Variants in DLX3 observed in about 807,000 individuals in gnomAD.
DLX3 encodes the protein homeobox protein DLX-3.
In DLX3, 9 loss-of-function variants were observed where a neutral mutation model predicts 28.0. The observed-to-expected ratio is 0.32, with a 90% confidence interval of 0.19 to 0.56. DLX3 has a LOEUF of 0.56. Among genes scored for constraint, DLX3 ranks in the 20% least tolerant of loss-of-function variants. The pLI is 0.91. For synonymous variants in DLX3, 154 were observed against 167.9 expected (o/e 0.92, Z 0.64); for missense variants, 313 against 378.2 (o/e 0.83, Z 1.43).
intron 1 of DLX3, among the ~76,000 whole-genome samples, chr17:49,994,453 C>A (rs1004528303): frequency 2.0e-5 from 3 of 152,250 alleles, no homozygotes; most frequent in African/African-American, 7.2e-5. Flanking sequence ...CGATCCTCAT[C>A]CGGGACCGCG....
In DLX3 at chr17:49,991,273, G is replaced by A; in HGVS notation, c.*244C>T. Reference sequence around the variant, plus strand: ...TAGGGGAATGGCTGTCCCCACTGGGGTGGAATGTCCCCACATCTGGAGGGG... The same window carrying A: ...TAGGGGAATGGCTGTCCCCACTGGGATGGAATGTCCCCACATCTGGAGGGG... On this transcript the variant is annotated 3_prime_UTR_variant, in exon 3 of 3. Coordinates refer to ENST00000434704, the MANE Select transcript of DLX3 (RefSeq NM_005220.3). The A allele has an allele frequency of 3.9e-6, 2 of 516,290 alleles. No homozygotes were observed. The highest frequency in any genetic ancestry group is 3.1e-5 in the East Asian group (1 of 32,082). 32.0% of individuals were successfully genotyped at this position (516,290 alleles called of 1,614,324 possible).
Position 49,991,768 on chromosome 17 carries a change from T to C in DLX3, c.613A>G (p.Met205Val), listed in dbSNP as rs1265830146. 4 of 1,613,970 alleles carry C rather than the reference T, an allele frequency of 2.5e-6. No individual in the cohort carries two copies. The highest frequency in any genetic ancestry group is 3.4e-6 in the Non-Finnish European group (4 of 1,180,008). Reference sequence around the variant, plus strand: ...GGTGATGGTGGTGAGTTGCAGGCCATGGAATCACTGTTATTGGGACTGTGC... The same window carrying C: ...GGTGATGGTGGTGAGTTGCAGGCCACGGAATCACTGTTATTGGGACTGTGC... The part of the protein sequence containing the change: ...LEHSPNNSDS[M>V]ACNSPPSPAL... The change falls in exon 3 of 3, where the codon ATG (methionine) becomes GTG (valine). Residue 205 changes from methionine to valine, a missense_variant. Met to Val is a conservative substitution (Grantham distance 21). This residue lies in a region of DLX3 where 120 missense variants were observed against 145.4 expected (regional missense o/e 0.83). Coordinates refer to ENST00000434704, the MANE Select transcript of DLX3 (RefSeq NM_005220.3).
chr17:49,991,783 T>C lies in DLX3; in HGVS notation c.598A>G (p.Asn200Asp). The change falls in exon 3 of 3, where the codon AAT (asparagine) becomes GAT (aspartate). Residue 200 changes from asparagine to aspartate, a missense_variant. Physicochemically the swap from Asn to Asp is conservative, Grantham distance 23. Coordinates refer to ENST00000434704, the MANE Select transcript of DLX3 (RefSeq NM_005220.3). The part of the protein sequence containing the change: ...NGEVPLEHSP[N>D]NSDSMACNSP... ...TTGCAGGCCATGGAATCACTGTTAT[T>C]GGGACTGTGCTCCAGCGGCACCTCC... The C allele has an allele frequency of 1.2e-6, 2 of 1,614,088 alleles. No homozygotes were observed. Among genetic ancestry groups the C allele is most frequent in the Non-Finnish European group, 1.7e-6 (2 of 1,179,986 alleles).
intron 1 of DLX3, among the ~76,000 whole-genome samples, chr17:49,994,455 G>A (rs1429705062): frequency 1.3e-5 from 2 of 152,158 alleles, no homozygotes; most frequent in African/African-American, 4.8e-5. Flanking sequence ...ATCCTCATCC[G>A]GGACCGCGGC....
chr17:49,990,168 A>G lies in DLX3; in HGVS notation c.*1349T>C, dbSNP rs1002282858. On this transcript the variant is annotated 3_prime_UTR_variant, in exon 3 of 3. Coordinates refer to ENST00000434704, the MANE Select transcript of DLX3 (RefSeq NM_005220.3). Reference sequence around the variant, plus strand: ...TCTTGGCCCCTGCACCTCCCACAAAACCCAAATCCAGCCGGAGCCCACATC... The same window carrying G: ...TCTTGGCCCCTGCACCTCCCACAAAGCCCAAATCCAGCCGGAGCCCACATC... 6.6e-6 allele frequency: 1 copy of G among 151,894 alleles called. No homozygotes were observed. Among genetic ancestry groups the G allele is most frequent in the Non-Finnish European group, 1.5e-5 (1 of 67,958 alleles). The allele number at this position is 151,894 out of a possible 1,614,324, so 9.4% of individuals were successfully genotyped here. A position where few individuals can be genotyped will look rare whatever the true frequency, so the allele number is the denominator to read the frequency against.
Position 49,991,529 on chromosome 17 carries a change from C to T in DLX3, c.852G>A (p.Gly284=), listed in dbSNP as rs1416552557. 1 of 1,604,658 alleles carries T rather than the reference C, an allele frequency of 6.2e-7. No homozygotes were observed. ...HASPGPPPNP[G]AVY ...GCCAGATGGGTGCTCAGTACACAGC[C>T]CCAGGGTTGGGCGGGGGCCCGGGAG... The change falls in exon 3 of 3, where the codon GGG becomes GGA. Residue 284 remains glycine, a synonymous_variant. Transcript: ENST00000434704.
Position 49,992,848 on chromosome 17 carries a change from G to A in DLX3, c.516+552C>T, listed in dbSNP as rs149202334. ...CCCATCTCCTTCAGGTAGGGAATTT[G>A]GCCTCTCTTGAGCGTTCAAGTGCTG... On this transcript the variant is annotated intron_variant, in intron 2 of 2. Transcript: ENST00000434704. Among the ~76,000 whole-genome samples the A allele has an allele frequency of 4.4e-3, 672 of 152,252 alleles. 1 individual carries two copies. The highest frequency in any genetic ancestry group is 0.015 in the African/African-American group (634 of 41,544).
At position 49,994,767 on chromosome 17, in the gene DLX3, C is replaced by T. The variant is rs376068784; in HGVS notation, c.232G>A (p.Gly78Ser). 6.2e-6 allele frequency: 10 copies of T among 1,614,180 alleles called. No individual in the cohort carries two copies. Among genetic ancestry groups the T allele is most frequent in the Non-Finnish European group, 8.5e-6 (10 of 1,180,036 alleles). The change falls in exon 1 of 3, where the codon GGC becomes AGC. Residue 78 changes from glycine to serine, a missense_variant. Physicochemically the swap from Gly to Ser is moderately conservative, Grantham distance 56 (BLOSUM62 0). Transcript: ENST00000434704. ...TATTCCGACTTGGGCGAGTAAGCGC[C>T]CGTGCCTGCAAGCCCATTGAGATTG... ...QFNLNGLAGT[G>S]AYSPKSEYTY...
Position 49,994,665 on chromosome 17 carries a change from G to A in DLX3, c.325+9C>T. On this transcript the variant is annotated intron_variant, in intron 1 of 2. Coordinates refer to ENST00000434704, the MANE Select transcript of DLX3 (RefSeq NM_005220.3). ...TCTCCCACTGTCCTCGCGACCCCGTGGCCCTCACCTGGGTCCTGGGCTGGC... is the reference window on the plus strand; with the variant it reads ...TCTCCCACTGTCCTCGCGACCCCGTAGCCCTCACCTGGGTCCTGGGCTGGC... 1.2e-6 allele frequency: 2 copies of A among 1,614,002 alleles called. No homozygotes were observed. Among genetic ancestry groups the A allele is most frequent in the Non-Finnish European group, 1.7e-6 (2 of 1,179,998 alleles).
Position 49,991,828 on chromosome 17 carries a change from TG to T in DLX3, c.552del (p.Phe184LeufsTer74). On this transcript the variant is annotated frameshift_variant, in exon 3 of 3. Coordinates refer to ENST00000434704, the MANE Select transcript of DLX3 (RefSeq NM_005220.3). LOFTEE classifies it high-confidence loss of function. The part of the protein sequence containing the change: ...KIWFQNRRSK[F>X]KKLYKNGEVP... ...ACCTCCCCGTTCTTGTAGAGTTTCT[TG>T]AACTTGGAACGGCGGTTCTGGAACC... 1 of 1,614,096 alleles carries T rather than the reference TG, an allele frequency of 6.2e-7. No homozygotes were observed.
At chr17:49,993,844 C>A (rs2144185955) in intron 1 of DLX3, 1 of 222,654 alleles carries the variant, frequency 4.5e-6, no homozygotes, top group East Asian at 1.3e-4. Flanking sequence ...CCAGCCGCCG[C>A]CTGCGCCAGG....
At chr17:49,991,907 T>C in intron 2 of DLX3, 43 bp from the exon 3 acceptor site, 2 of 1,583,714 alleles carry the variant, frequency 1.3e-6, no homozygotes, top group Non-Finnish European at 1.7e-6. Context: ...CCTCTCAGAA[T>C]GCTAAAACAA....
rs543693278 is a variant in DLX3 at position 49,994,531 on chromosome 17, A to T, written c.325+143T>A. 4.1e-5 allele frequency: 40 copies of T among 987,160 alleles called. No homozygotes were observed. In the African/African-American group the frequency reaches 5.8e-4, roughly 14 times the overall value. 61.2% of individuals were successfully genotyped at this position (987,160 alleles called of 1,614,324 possible). On this transcript the variant is annotated intron_variant, in intron 1 of 2. Coordinates refer to ENST00000434704, the MANE Select transcript of DLX3 (RefSeq NM_005220.3). ...GCTGGAAGGTCGCCTGGTCCCTCTG[A>T]GGGTCATCTAGGCCAACTTCTCTAA...
chr17:49,993,806 C>G (rs952913039), intron 1 of DLX3: 3 of 324,322 alleles, frequency 9.3e-6, no homozygotes, highest in African/African-American at 6.7e-5. Context: ...CAGCTCCGCG[C>G]CCGGCCGCCG....
At position 49,994,868 on chromosome 17, in the gene DLX3, C is replaced by T; in HGVS notation, c.131G>A (p.Ser44Asn). 1 of 1,614,218 alleles carries T rather than the reference C, an allele frequency of 6.2e-7. No homozygotes were observed. Among genetic ancestry groups the T allele is most frequent in the Non-Finnish European group, 8.5e-7 (1 of 1,180,046 alleles). Residue 44 changes from serine to asparagine, a missense_variant, in exon 1 of 3, where the codon AGC becomes AAC. Physicochemically the swap from Ser to Asn is conservative, Grantham distance 46 (BLOSUM62 1). Coordinates refer to ENST00000434704, the MANE Select transcript of DLX3 (RefSeq NM_005220.3). Reference protein sequence around the residue: ...ESSVTDLGYYSAPQHDYYSGQ... With the variant: ...ESSVTDLGYYNAPQHDYYSGQ... ...CGAGTAGTAATCGTGCTGGGGAGCG[C>T]TGTAGTAGCCCAGGTCAGTGACAGA...
At chr17:49,992,380 C>T (rs558334565) in intron 2 of DLX3, among the ~76,000 whole-genome samples, 1 of 152,234 alleles carries the variant, frequency 6.6e-6, no homozygotes, top group East Asian at 1.9e-4. Context: ...CAGCCACGTT[C>T]CCACTCACAG....
rs1450526624 is a variant in DLX3 at position 49,990,488 on chromosome 17, T to TC, written c.*1028dup. 6.6e-6 allele frequency: 1 copy of TC among 152,188 alleles called. No individual in the cohort carries two copies. The highest frequency in any genetic ancestry group is 2.4e-5 in the African/African-American group (1 of 41,308). 9.4% of individuals were successfully genotyped at this position (152,188 alleles called of 1,614,324 possible). A position where few individuals can be genotyped will look rare whatever the true frequency, so the allele number is the denominator to read the frequency against. On this transcript the variant is annotated 3_prime_UTR_variant, in exon 3 of 3. Transcript: ENST00000434704. ...CTCCCAAAGGCACAAGTTCTAACTCTCCCCTCCTCTCCCATACACCTCACC... is the reference window on the plus strand; with the variant it reads ...CTCCCAAAGGCACAAGTTCTAACTCTCCCCCTCCTCTCCCATACACCTCACC...
In DLX3 at chr17:49,991,296, G is replaced by T; in HGVS notation, c.*221C>A. 1.8e-6 allele frequency: 1 copy of T among 554,876 alleles called. No individual in the cohort carries two copies. Among genetic ancestry groups the T allele is most frequent in the Non-Finnish European group, 3.2e-6 (1 of 316,472 alleles). 34.4% of individuals were successfully genotyped at this position (554,876 alleles called of 1,614,324 possible). Reference sequence around the variant, plus strand: ...GGGTGGAATGTCCCCACATCTGGAGGGGTACCCCAGTGTCTAGGCAGAGGG... The same window carrying T: ...GGGTGGAATGTCCCCACATCTGGAGTGGTACCCCAGTGTCTAGGCAGAGGG... On this transcript the variant is annotated 3_prime_UTR_variant, in exon 3 of 3. Transcript: ENST00000434704.
At chr17:49,993,718 G>A (rs1404704338) in intron 1 of DLX3, 128 bp from the exon 2 acceptor site, 6 of 1,097,156 alleles carry the variant, frequency 5.5e-6, no homozygotes, top group Non-Finnish European at 7.5e-6. Context: ...TCCCGGCCGC[G>A]CGCTCCGCTG....
Sources: gnomAD v4.1 joint callset for allele counts (sites outside exome capture counted in the v4.1 genomes callset) on GRCh38, gnomAD v4.1.1 for gene constraint, gnomAD v4.1.1 regional missense constraint, MANE v1.5 for transcripts, NCBI Gene and HGNC (gene_info 2026-07-23, HGNC 2026-07-21) for gene names.